NUDC: variants seen among roughly 807,000 people sequenced by gnomAD.
NUDC encodes nuclear migration protein nudC.
Under a neutral mutation model 45.0 loss-of-function variants are expected in NUDC, and 14 were observed. That is an observed-to-expected ratio of 0.31 (90% CI 0.21 to 0.49). The LOEUF (loss-of-function observed/expected upper bound fraction) is 0.49. Ranked by LOEUF, NUDC falls within the 20% of genes least tolerant of loss-of-function variation. The probability of loss-of-function intolerance (pLI) is 0.99; values close to 1 mark genes in which losing one functional copy is unlikely to be tolerated. For synonymous variants in NUDC, 153 were observed against 156.7 expected (o/e 0.98, Z 0.17); for missense variants, 323 against 426.2 (o/e 0.76, Z 2.13).
upstream of NUDC, chr1:26,900,220 C>A (rs748604144): frequency 6.2e-7 from 1 of 1,614,110 alleles, no homozygotes; most frequent in Admixed American, 1.7e-5. Context: ...AGAAGCTGGC[C>A]CTCAGCGGCT....
At chr1:26,921,682 G>A, upstream of NUDC, 1 of 692,596 alleles carries the variant, frequency 1.4e-6, no homozygotes, top group South Asian at 1.7e-5. Context: ...GAGGAAGGCG[G>A]GAAGAGAGGA....
At chr1:26,930,567 A>T (rs2082172945) in intron 2 of NUDC, among the ~76,000 whole-genome samples, 1 of 152,138 alleles carries the variant, frequency 6.6e-6, no homozygotes, top group East Asian at 1.9e-4. Context: ...AATCATAGCC[A>T]AGAGTGGTGG....
At chr1:26,923,150 GCAGA>G (rs1431926189) in intron 1 of NUDC, among the ~76,000 whole-genome samples, 1 of 152,140 alleles carries the variant, frequency 6.6e-6, no homozygotes, top group Admixed American at 6.5e-5. Flanking sequence ...ATTGCAGGTG[GCAGA>G]CAGACTAAGC....
intron 2 of NUDC, among the ~76,000 whole-genome samples, chr1:26,928,749 G>A (rs1292493841): frequency 2.6e-5 from 4 of 152,036 alleles, no homozygotes; most frequent in Admixed American, 1.3e-4. Flanking sequence ...GATGGCATCC[G>A]TTAAAAGATA....
At chr1:26,921,008 C>T (rs1368281914), upstream of NUDC, among the ~76,000 whole-genome samples, 1 of 152,012 alleles carries the variant, frequency 6.6e-6, no homozygotes, top group African/African-American at 2.4e-5. Flanking sequence ...ATTTGTGATG[C>T]ATAAGCTAAA....
intron 1 of NUDC, 71 bp from the exon 2 acceptor site, chr1:26,924,018 A>G (rs1008317563): frequency 2.2e-6 from 3 of 1,388,072 alleles, no homozygotes; most frequent in Admixed American, 1.7e-5. Flanking sequence ...AGACAAAACA[A>G]GTTGACTTGT....
chr1:26,938,590 T>A (rs1284863726), intron 2 of NUDC, among the ~76,000 whole-genome samples: 1 of 152,048 alleles, frequency 6.6e-6, no homozygotes, highest in Non-Finnish European at 1.5e-5. Flanking sequence ...GTGGAGCTAC[T>A]GTGGTGTGGC....
At chr1:26,945,161 C>G (rs1255051885) in intron 6 of NUDC, 3 of 600,850 alleles carry the variant, frequency 5.0e-6, no homozygotes, top group Non-Finnish European at 6.0e-6. Flanking sequence ...TGAATATCTC[C>G]CTTTCTGCTT....
chr1:26,936,165 ATTTTTTTTTTTTTTTTTTTTTTTTTTT>A (rs869056480), intron 2 of NUDC, among the ~76,000 whole-genome samples: 1 of 10,504 alleles, frequency 9.5e-5, no homozygotes, highest in African/African-American at 5.0e-4. Flanking sequence ...ATATATATAT[ATTTTTTTTTTTTTTTTTTTTTTTTTTT>A]TTTTTTTTTT....
chr1:26,936,147 A>ATATATATATATATATATATATATATC, intron 2 of NUDC, among the ~76,000 whole-genome samples: 1 of 5,016 alleles, frequency 2.0e-4, no homozygotes, highest in Non-Finnish European at 3.9e-4. Context: ...ATATATATAT[A>ATATATATATATATATATATATATATC]TATATATATA....
At chr1:26,912,207 A>C (rs2082032348) in intron 3 of NUDC, 4 of 1,115,944 alleles carry the variant, frequency 3.6e-6, no homozygotes, top group Non-Finnish European at 5.2e-6. Context: ...TCGGCCTTTG[A>C]GGTCCCACTA....
chr1:26,922,036 G>C (rs1234589541), intron 1 of NUDC, 107 bp downstream of exon 1: 3 of 1,162,324 alleles, frequency 2.6e-6, no homozygotes, highest in African/African-American at 1.5e-5. Flanking sequence ...GCGGGCTTCT[G>C]GGATGCCCCT....
chr1:26,905,635 C>G (rs1482574794), intron 2 of NUDC, among the ~76,000 whole-genome samples: 1 of 150,380 alleles, frequency 6.6e-6, no homozygotes, highest in Admixed American at 7.0e-5. Context: ...GTTGCAGCCC[C>G]GAGTTCCCAG....
intron 2 of NUDC, among the ~76,000 whole-genome samples, chr1:26,931,784 AAAG>A (rs1296933915): frequency 6.6e-6 from 1 of 150,710 alleles, no homozygotes; most frequent in African/African-American, 2.4e-5. Context: ...TCAAAAAAAA[AAAG>A]AGATTTCTCC....
At chr1:26,945,054 A>C (rs1163488080) in intron 6 of NUDC, 1 of 343,294 alleles carries the variant, frequency 2.9e-6, no homozygotes, top group East Asian at 6.4e-5. Flanking sequence ...AAAAATATAT[A>C]TATTTATTTT....
At chr1:26,946,037 C>T (rs1019137013) in intron 8 of NUDC, 93 bp from the exon 9 acceptor site, 14 of 1,281,812 alleles carry the variant, frequency 1.1e-5, no homozygotes, top group Middle Eastern at 1.8e-4. Context: ...TTGCTGAGGT[C>T]TAAAGAGATT....
intron 2 of NUDC, among the ~76,000 whole-genome samples, chr1:26,934,696 G>A (rs1384179630): frequency 6.7e-6 from 1 of 148,484 alleles, no homozygotes; most frequent in Non-Finnish European, 1.5e-5. Flanking sequence ...GTCTCGCTCT[G>A]TCGCCCGGGC....
upstream of NUDC, chr1:26,921,597 G>T (rs2082091105): frequency 3.5e-6 from 2 of 573,084 alleles, no homozygotes; most frequent in Non-Finnish European, 6.2e-6. Context: ...GGACGCGCTT[G>T]TTGATTGGCT....
intron 3 of NUDC, chr1:26,913,965 A>G (rs1005958652): frequency 4.2e-6 from 6 of 1,441,956 alleles, no homozygotes; most frequent in Non-Finnish European, 5.5e-6. Flanking sequence ...TCTCACTTCC[A>G]GCTCTCTGGC....
Sources: gnomAD v4.1 joint callset for allele counts (sites outside exome capture counted in the v4.1 genomes callset) on GRCh38, gnomAD v4.1.1 for gene constraint, MANE v1.5 for transcripts, NCBI Gene and HGNC (gene_info 2026-07-23, HGNC 2026-07-21) for gene names.